Variants in PLCB4 observed in about 807,000 individuals in gnomAD.
PLCB4 encodes the protein phospholipase C beta 4, also known as 1-phosphatidylinositol 4,5-bisphosphate phosphodiesterase beta-4.
Under a neutral mutation model 178.8 loss-of-function variants are expected in PLCB4, and 77 were observed. The observed-to-expected ratio is 0.43, with a 90% CI of 0.36 to 0.52. The LOEUF (loss-of-function observed/expected upper bound fraction) is 0.52. Ranked by LOEUF, PLCB4 falls within the 20% of genes least tolerant of loss-of-function variation. The pLI is 0.00. For missense variants in PLCB4, 1,024 were observed against 1,453.4 expected (o/e 0.70, Z 4.80); for synonymous variants, 496 against 490.8 (o/e 1.01, Z -0.14).
intron 1 of PLCB4, among the ~76,000 whole-genome samples, chr20:9,091,725 T>G (rs1447167597): frequency 6.6e-6 from 1 of 151,638 alleles, no homozygotes; most frequent in Non-Finnish European, 1.5e-5. Context: ...AGCTACCTGT[T>G]AGTTGTAGTT....
At chr20:9,115,354 C>A (rs1486779177) in intron 2 of PLCB4, among the ~76,000 whole-genome samples, 1 of 151,178 alleles carries the variant, frequency 6.6e-6, no homozygotes, top group South Asian at 2.1e-4. Flanking sequence ...ACATATATAA[C>A]CCTCCCTATA....
At position 9,478,912 on chromosome 20, in the gene PLCB4, A is replaced by C; in HGVS notation, c.3533-9A>C. The C allele has an allele frequency of 1.9e-6, 3 of 1,609,468 alleles. No homozygotes were observed. In the South Asian group the frequency reaches 3.3e-5, roughly 18 times the overall value. On this transcript the variant is annotated splice_polypyrimidine_tract_variant and intron_variant, in intron 39 of 39. Transcript: ENST00000378473. Reference sequence around the variant, plus strand: ...CAACACACGTAAGGCCATGTTTCTGATGTTATAGGCGAAGGAGATGCAGCA... The same window carrying C: ...CAACACACGTAAGGCCATGTTTCTGCTGTTATAGGCGAAGGAGATGCAGCA...
rs570463998 is a variant in PLCB4, at chr20:9,245,672, C to T, written c.-16+28220C>T. 4.6e-5 allele frequency among the ~76,000 whole-genome samples: 7 copies of T among 151,852 alleles called. No homozygotes were observed. In the East Asian group the frequency reaches 1.4e-3, roughly 29 times the overall value. Reference sequence around the variant, plus strand: ...CCTAGAACCTCTGTAGGGAGTATGGCCATGCCAGCACCTTGGTTTTGTACT... The same window carrying T: ...CCTAGAACCTCTGTAGGGAGTATGGTCATGCCAGCACCTTGGTTTTGTACT... On this transcript the variant is annotated intron_variant, in intron 3 of 39. Coordinates refer to ENST00000378473, the MANE Select transcript of PLCB4 (RefSeq NM_001377142.1).
At chr20:9,164,413 A>G (rs2092937148) in intron 2 of PLCB4, among the ~76,000 whole-genome samples, 1 of 152,134 alleles carries the variant, frequency 6.6e-6, no homozygotes, top group Non-Finnish European at 1.5e-5. Flanking sequence ...AAATTAAGTG[A>G]CTTGCCCAAC....
At chr20:9,337,953 A>T in intron 5 of PLCB4, 55 bp from the exon 6 acceptor site, 2 of 1,409,048 alleles carry the variant, frequency 1.4e-6, no homozygotes, top group Non-Finnish European at 2.0e-6. Flanking sequence ...GTTTGCCTGT[A>T]TCATAGGTAT....
intron 2 of PLCB4, among the ~76,000 whole-genome samples, chr20:9,120,417 C>T (rs148433951): frequency 1.3e-5 from 2 of 151,766 alleles, no homozygotes; most frequent in South Asian, 2.1e-4. Flanking sequence ...AGTGAGCCAC[C>T]GTACCCAGCC....
Position 9,286,004 on chromosome 20 carries a change from A to G in PLCB4, c.-15-21796A>G, listed in dbSNP as rs147258183. ...TTCAGATGGGGAAACTCCTTGAAAT[A>G]TAGTTTGTGGGATTCTCTTTCAGCT... On this transcript the variant is annotated intron_variant, in intron 3 of 39. Transcript: ENST00000378473. 2.0e-5 allele frequency among the ~76,000 whole-genome samples: 3 copies of G among 152,178 alleles called. No individual in the cohort carries two copies. In the East Asian group the frequency reaches 5.8e-4, roughly 29 times the overall value.
At chr20:9,143,890 C>T (rs779970118) in intron 2 of PLCB4, among the ~76,000 whole-genome samples, 1 of 151,982 alleles carries the variant, frequency 6.6e-6, no homozygotes, top group African/African-American at 2.4e-5. Flanking sequence ...CTTCCTTCTG[C>T]AAAAGGGATC....
At chr20:9,276,475 G>C (rs2147657753) in intron 3 of PLCB4, among the ~76,000 whole-genome samples, 1 of 152,102 alleles carries the variant, frequency 6.6e-6, no homozygotes, top group African/African-American at 2.4e-5. Context: ...GAAATAGTAG[G>C]TCATAAGCCG....
intron 32 of PLCB4, among the ~76,000 whole-genome samples, chr20:9,450,181 A>G (rs1437918623): frequency 6.6e-6 from 1 of 152,226 alleles, no homozygotes; most frequent in Non-Finnish European, 1.5e-5. Flanking sequence ...CTTGGCTTGA[A>G]TGAATGAGAA....
In PLCB4 at chr20:9,414,009, C is replaced by T. The variant is rs984287585; in HGVS notation, c.2051+2921C>T. On this transcript the variant is annotated intron_variant, in intron 25 of 39. Coordinates refer to ENST00000378473, the MANE Select transcript of PLCB4 (RefSeq NM_001377142.1). ...TCAGGCAATCTGCCTGCCTTGGCCT[C>T]CCAAAGTGCTGGGATTACAGGCATG... Among the ~76,000 whole-genome samples, 6 of 152,318 alleles carry T rather than the reference C, an allele frequency of 3.9e-5. No homozygotes were observed. The East Asian group carries it at 7.7e-4, about 20-fold the overall frequency.
At chr20:9,297,750 C>A (rs942844177) in intron 3 of PLCB4, among the ~76,000 whole-genome samples, 2 of 152,008 alleles carry the variant, frequency 1.3e-5, no homozygotes, top group Admixed American at 6.6e-5. Context: ...CAGTCATGGA[C>A]AACTATGTAC....
intron 3 of PLCB4, among the ~76,000 whole-genome samples, chr20:9,249,778 A>G (rs1217533644): frequency 1.3e-5 from 2 of 152,130 alleles, no homozygotes; most frequent in African/African-American, 4.8e-5. Flanking sequence ...CACTATCTCA[A>G]CGTGCTATTA....
chr20:9,332,031 C>A (rs2031748064), intron 4 of PLCB4, among the ~76,000 whole-genome samples: 1 of 152,222 alleles, frequency 6.6e-6, no homozygotes, highest in South Asian at 2.1e-4. Flanking sequence ...TCCTTGAGCT[C>A]TAAGGCGTGA....
At chr20:9,120,338 C>T (rs1281447157) in intron 2 of PLCB4, among the ~76,000 whole-genome samples, 2 of 152,084 alleles carry the variant, frequency 1.3e-5, no homozygotes, top group Non-Finnish European at 2.9e-5. Context: ...TTGACACGCT[C>T]CTTTTCTCAA....
Position 9,362,782 on chromosome 20 carries a change from A to G in PLCB4, c.370-114A>G, listed in dbSNP as rs915826374. On this transcript the variant is annotated intron_variant, in intron 7 of 39. Transcript: ENST00000378473. Reference sequence around the variant, plus strand: ...ATGGCTGTGTGACAGGAAAGGGACAAAAGAAGAGTTTGTGTTTTTATTACA... The same window carrying G: ...ATGGCTGTGTGACAGGAAAGGGACAGAAGAAGAGTTTGTGTTTTTATTACA... 19 of 691,200 alleles carry G rather than the reference A, an allele frequency of 2.7e-5. No homozygotes were observed. The East Asian group carries it at 4.9e-4, about 18-fold the overall frequency. The allele number at this position is 691,200 out of a possible 1,614,324, so 42.8% of individuals were successfully genotyped here. A position where few individuals can be genotyped will look rare whatever the true frequency, so the allele number is the denominator to read the frequency against.
chr20:9,392,985 G>A (rs2148423245), intron 17 of PLCB4, among the ~76,000 whole-genome samples: 1 of 152,130 alleles, frequency 6.6e-6, no homozygotes, highest in East Asian at 1.9e-4. Flanking sequence ...GACCAGAGGT[G>A]ATAGCATACA....
intron 3 of PLCB4, among the ~76,000 whole-genome samples, chr20:9,243,743 G>A (rs953966219): frequency 3.3e-5 from 5 of 152,126 alleles, no homozygotes; most frequent in Non-Finnish European, 7.4e-5. Context: ...AAACCAGACC[G>A]CATGGATTCA....
At chr20:9,444,360 T>G in intron 32 of PLCB4, 117 bp downstream of exon 32, 1 of 635,182 alleles carries the variant, frequency 1.6e-6, no homozygotes, top group East Asian at 2.7e-5. Flanking sequence ...TTCTAACTGG[T>G]TAACAATGAA....
Sources: gnomAD v4.1 joint callset for allele counts (sites outside exome capture counted in the v4.1 genomes callset) on GRCh38, gnomAD v4.1.1 for gene constraint, MANE v1.5 for transcripts, NCBI Gene and HGNC (gene_info 2026-07-23, HGNC 2026-07-21) for gene names.